Variants in HPSE2 observed in about 807,000 individuals in gnomAD.
HPSE2 encodes heparanase 2 (inactive), also known as inactive heparanase-2.
In HPSE2, 38 loss-of-function variants were observed where a neutral mutation model predicts 60.5. The ratio of observed to expected loss-of-function variants is 0.63; its 90% CI spans 0.48 to 0.82. HPSE2 has a LOEUF of 0.82. HPSE2 is among the 40% of genes least tolerant of loss of function. The pLI, the probability that HPSE2 is intolerant of heterozygous loss-of-function variation, is 0.00. For missense variants in HPSE2, 713 were observed against 740.4 expected, an observed-to-expected ratio of 0.96 and a Z score of 0.43; for synonymous variants, 295 against 293.2, an observed-to-expected ratio of 1.01 and a Z score of -0.06.
intron 2 of HPSE2, among the ~76,000 whole-genome samples, chr10:99,220,877 C>T (rs1355172054): frequency 9.7e-6 from 1 of 103,110 alleles, no homozygotes; most frequent in African/African-American, 3.7e-5. Flanking sequence ...TTTTTTTTGA[C>T]GGAGTTTCAC....
chr10:99,129,011 G>GA (rs1382477663), intron 3 of HPSE2, among the ~76,000 whole-genome samples: 5 of 152,172 alleles, frequency 3.3e-5, no homozygotes, highest in African/African-American at 7.2e-5. Context: ...TCTTATATCG[G>GA]AAAAAACAGA....
chr10:98,997,405 T>G (rs896247387), intron 3 of HPSE2, among the ~76,000 whole-genome samples: 15 of 152,154 alleles, frequency 9.9e-5, no homozygotes, highest in African/African-American at 3.6e-4. Context: ...CTTCAGCCAC[T>G]GTGCCCAGCC....
At chr10:98,544,027 A>AT (rs1277103457) in intron 9 of HPSE2, among the ~76,000 whole-genome samples, 1 of 150,798 alleles carries the variant, frequency 6.6e-6, no homozygotes, top group Non-Finnish European at 1.5e-5. Context: ...CAGAATATAC[A>AT]TTTTTTTCAG....
At chr10:99,283,032 A>C in the HPSE2 span, among the ~76,000 whole-genome samples, 1 of 151,996 alleles carries the variant, frequency 6.6e-6, no homozygotes, top group Non-Finnish European at 1.5e-5. Context: ...AAAATACAAA[A>C]AAAATTAGCT....
At chr10:98,875,195 G>A (rs866129484) in intron 3 of HPSE2, among the ~76,000 whole-genome samples, 18 of 152,068 alleles carry the variant, frequency 1.2e-4, no homozygotes, top group African/African-American at 4.1e-4. Flanking sequence ...AACTGAAGGA[G>A]ATAGAGATCC....
In HPSE2 at chr10:99,168,766, C is replaced by G. The variant is rs552581552; in HGVS notation, c.449-24367G>C. Among the ~76,000 whole-genome samples the G allele has an allele frequency of 9.1e-4, 139 of 152,304 alleles. 1 individual carries two copies. The highest frequency in any genetic ancestry group is 1.7e-3 in the Non-Finnish European group (114 of 68,036). ...GGCATTATTGTGCTGGTTAGAATCT[C>G]TGGTATAATCTGTAAGCATCATTGG... On this transcript the variant is annotated intron_variant, in intron 2 of 11. Coordinates refer to ENST00000370552, the MANE Select transcript of HPSE2 (RefSeq NM_021828.5).
At chr10:99,161,338 T>C (rs1333790759) in intron 2 of HPSE2, among the ~76,000 whole-genome samples, 5 of 151,402 alleles carry the variant, frequency 3.3e-5, no homozygotes, top group Non-Finnish European at 5.9e-5. Context: ...ATGTGGCAAA[T>C]CCATAAAATG....
chr10:98,549,840 G>A (rs1346725297), intron 9 of HPSE2, among the ~76,000 whole-genome samples: 6 of 151,940 alleles, frequency 3.9e-5, no homozygotes, highest in Non-Finnish European at 8.8e-5. Flanking sequence ...TCTCTTAGAC[G>A]TGGTCTTTTC....
intron 9 of HPSE2, among the ~76,000 whole-genome samples, chr10:98,508,726 T>TAAAGTGTTTGGGGC (rs1396001999): frequency 9.2e-5 from 14 of 152,058 alleles, no homozygotes; most frequent in Admixed American, 9.2e-4. Flanking sequence ...GGAGGGGACA[T>TAAAGTGTTTGGGGC]AAAGTGTTTG....
intron 3 of HPSE2, among the ~76,000 whole-genome samples, chr10:99,086,804 T>A (rs1843336873): frequency 6.6e-6 from 1 of 152,248 alleles, no homozygotes; most frequent in Non-Finnish European, 1.5e-5. Context: ...TTTACTATTA[T>A]GCCAAATAAA....
At chr10:98,875,366 A>T (rs930313235) in intron 3 of HPSE2, among the ~76,000 whole-genome samples, 1 of 152,152 alleles carries the variant, frequency 6.6e-6, no homozygotes, top group South Asian at 2.1e-4. Context: ...CTCCACAGAA[A>T]TACAAACTAC....
At position 98,905,717 on chromosome 10, in the gene HPSE2, T is replaced by C. The variant is rs186813879; in HGVS notation, c.611-161661A>G. On this transcript the variant is annotated intron_variant, in intron 3 of 11. Coordinates refer to ENST00000370552, the MANE Select transcript of HPSE2 (RefSeq NM_021828.5). ...AGGCAGGAAAGTACTAGGTTGAGAG[T>C]TAACTGGCCCTGGATTGAAAATTCC... 3.3e-5 allele frequency among the ~76,000 whole-genome samples: 5 copies of C among 152,146 alleles called. No individual in the cohort carries two copies. The East Asian group carries it at 9.7e-4, about 29-fold the overall frequency.
At chr10:98,742,970 TTTTC>T (rs1452441583) in intron 4 of HPSE2, among the ~76,000 whole-genome samples, 5 of 121,324 alleles carry the variant, frequency 4.1e-5, no homozygotes, top group African/African-American at 1.6e-4. Context: ...TTTCCTTTTC[TTTTC>T]TTTTTTTTTT....
intron 3 of HPSE2, among the ~76,000 whole-genome samples, chr10:98,869,350 A>T (rs72836746): frequency 0.14 from 21,434 of 152,090 alleles, 2,157 homozygotes; most frequent in African/African-American, 0.27. Context: ...TCTTTTTAAA[A>T]CAAGCATATC....
At chr10:99,074,967 T>C (rs1277012006) in intron 3 of HPSE2, among the ~76,000 whole-genome samples, 1 of 152,124 alleles carries the variant, frequency 6.6e-6, no homozygotes, top group Non-Finnish European at 1.5e-5. Flanking sequence ...TGCTAAAGAT[T>C]TGTTGATTTT....
intron 3 of HPSE2, among the ~76,000 whole-genome samples, chr10:98,867,676 A>G (rs1432829158): frequency 6.6e-6 from 1 of 152,232 alleles, no homozygotes; most frequent in African/African-American, 2.4e-5. Flanking sequence ...TAGTATATCA[A>G]AGAGTTATCT....
intron 9 of HPSE2, among the ~76,000 whole-genome samples, chr10:98,492,151 G>A (rs962250522): frequency 1.3e-5 from 2 of 152,128 alleles, no homozygotes; most frequent in Non-Finnish European, 2.9e-5. Context: ...TTACCTTTGT[G>A]TCGTAGCAAT....
At chr10:98,988,923 A>T (rs929609841) in intron 3 of HPSE2, among the ~76,000 whole-genome samples, 1 of 143,072 alleles carries the variant, frequency 7.0e-6, no homozygotes, top group Non-Finnish European at 1.5e-5. Flanking sequence ...CATCAGAGAA[A>T]TGCAAATCAA....
chr10:99,102,066 T>G (rs1421032652), intron 3 of HPSE2, among the ~76,000 whole-genome samples: 1 of 151,518 alleles, frequency 6.6e-6, no homozygotes, highest in African/African-American at 2.4e-5. Context: ...AACATCACAA[T>G]TAGAACTAGA....
Sources: allele counts gnomAD v4.1 joint callset (sites outside exome capture counted in the v4.1 genomes callset), GRCh38; gene constraint gnomAD v4.1.1; transcripts MANE v1.5; gene names NCBI Gene and HGNC (gene_info 2026-07-23, HGNC 2026-07-21).